Variants in ZCWPW2 observed in about 807,000 individuals in gnomAD.
ZCWPW2 encodes zinc finger CW-type PWWP domain protein 2.
In ZCWPW2, 45 loss-of-function variants were observed where a neutral mutation model predicts 46.6. That is an observed-to-expected ratio of 0.96 (90% confidence interval 0.76 to 1.24). ZCWPW2 has a LOEUF of 1.24. ZCWPW2 is among the 50% of genes most tolerant of loss of function. The probability of loss-of-function intolerance (pLI) is 0.00; values close to 1 mark genes in which losing one functional copy is unlikely to be tolerated. For missense variants in ZCWPW2, 429 were observed against 403.9 expected, an observed-to-expected ratio of 1.06 and a Z score of -0.53; for synonymous variants, 152 against 137.1, an observed-to-expected ratio of 1.11 and a Z score of -0.76.
intron 1 of ZCWPW2, among the ~76,000 whole-genome samples, chr3:28,351,135 G>A (rs1204266660): frequency 1.3e-5 from 2 of 151,144 alleles, no homozygotes; most frequent in African/African-American, 4.9e-5. Flanking sequence ...ACAAGTCACT[G>A]CTTTAAAAAT....
In ZCWPW2 at chr3:28,441,946, A is replaced by T. The variant is rs1697776015; in HGVS notation, c.492+6677A>T. On this transcript the variant is annotated intron_variant, in intron 4 of 9. Coordinates refer to ENST00000383768, the MANE Select transcript of ZCWPW2 (RefSeq NM_001040432.4). ...TTGCTCCAAAATCCTGGAGGCCTCC[A>T]CTGTGATTTACCTATTTGGGCCTGC... is the stretch of plus-strand genomic sequence containing the variant. 2.0e-5 allele frequency among the ~76,000 whole-genome samples: 3 copies of T among 152,266 alleles called. No homozygotes were observed. In the South Asian group the frequency reaches 6.2e-4, roughly 32 times the overall value.
chr3:28,503,429 A>G (rs1457245637), intron 6 of ZCWPW2, among the ~76,000 whole-genome samples: 3 of 152,136 alleles, frequency 2.0e-5, no homozygotes, highest in Non-Finnish European at 4.4e-5. Flanking sequence ...TCCACACAAA[A>G]TGAATCTGAG....
chr3:28,474,644 C>A (rs1359109301), intron 4 of ZCWPW2, among the ~76,000 whole-genome samples: 2 of 150,916 alleles, frequency 1.3e-5, no homozygotes, highest in Admixed American at 6.6e-5. Context: ...CGCGCACATG[C>A]GCATTTGTGT....
At chr3:28,473,039 A>T (rs941726402) in intron 4 of ZCWPW2, among the ~76,000 whole-genome samples, 5 of 152,198 alleles carry the variant, frequency 3.3e-5, no homozygotes, top group African/African-American at 1.2e-4. Context: ...ATATTATTTT[A>T]CCCCAGTTAA....
At chr3:28,385,875 A>T (rs915950902) in intron 1 of ZCWPW2, among the ~76,000 whole-genome samples, 3 of 151,094 alleles carry the variant, frequency 2.0e-5, no homozygotes, top group African/African-American at 7.3e-5. Context: ...CCTAAGTGAG[A>T]TTAACGTAAC....
intron 7 of ZCWPW2, among the ~76,000 whole-genome samples, chr3:28,514,580 T>G (rs1700515297): frequency 6.6e-6 from 1 of 152,202 alleles, no homozygotes; most frequent in African/African-American, 2.4e-5. Context: ...CTGTTTCACT[T>G]GGAAAATACT....
intron 5 of ZCWPW2, among the ~76,000 whole-genome samples, chr3:28,491,856 C>T (rs1241884543): frequency 6.6e-6 from 1 of 152,016 alleles, no homozygotes; most frequent in African/African-American, 2.4e-5. Context: ...ATATACTAGA[C>T]ACCAACTTGA....
intron 6 of ZCWPW2, among the ~76,000 whole-genome samples, chr3:28,513,264 C>T (rs192366158): frequency 6.6e-6 from 1 of 152,198 alleles, no homozygotes; most frequent in East Asian, 1.9e-4. Context: ...AATTTCTTGG[C>T]TCTTTTGCTT....
chr3:28,479,021 T>G, intron 5 of ZCWPW2, 90 bp downstream of exon 5: 20 of 785,080 alleles, frequency 2.5e-5, no homozygotes, highest in Non-Finnish European at 3.6e-5. Context: ...CAAAAATCTC[T>G]ATCTCTTTCT....
In ZCWPW2 at chr3:28,405,769, C is replaced by T. The variant is rs957328445; in HGVS notation, c.-13-7287C>T. On this transcript the variant is annotated intron_variant, in intron 2 of 9. Coordinates refer to ENST00000383768, the MANE Select transcript of ZCWPW2 (RefSeq NM_001040432.4). ...GATTATAGACATGAGTCACCCCACC[C>T]GGCCAACAGACTGTTAAGAATGATT... Among the ~76,000 whole-genome samples the T allele has an allele frequency of 7.2e-5, 11 of 152,040 alleles. No homozygotes were observed. In the East Asian group the frequency reaches 1.2e-3, roughly 16 times the overall value.
intron 2 of ZCWPW2, among the ~76,000 whole-genome samples, chr3:28,392,782 C>T (rs950342501): frequency 6.6e-6 from 1 of 151,046 alleles, no homozygotes; most frequent in Non-Finnish European, 1.5e-5. Context: ...GATATCATAC[C>T]AAAACTGATG....
rs397941054 is a variant in ZCWPW2 at position 28,507,491 on chromosome 3, C to CTT, written c.658-6561_658-6560dup. On this transcript the variant is annotated intron_variant, in intron 6 of 9. Coordinates refer to ENST00000383768, the MANE Select transcript of ZCWPW2 (RefSeq NM_001040432.4). Reference sequence around the variant, plus strand: ...TCAGTGATTTAGACTTATCAATATTCTTTTTTTTTTTTTGAGATGGTGTCT... The same window carrying CTT: ...TCAGTGATTTAGACTTATCAATATTCTTTTTTTTTTTTTTTGAGATGGTGTCT... Among the ~76,000 whole-genome samples, 175 of 143,652 alleles carry CTT rather than the reference C, an allele frequency of 1.2e-3. 1 individual carries two copies. The highest frequency in any genetic ancestry group is 1.5e-3 in the Non-Finnish European group (101 of 65,168). The allele number at this position is 143,652 out of a possible 152,430, so 94.2% of individuals were successfully genotyped here.
At chr3:28,379,027 C>G (rs541064822) in intron 1 of ZCWPW2, among the ~76,000 whole-genome samples, 1 of 152,162 alleles carries the variant, frequency 6.6e-6, no homozygotes, top group Non-Finnish European at 1.5e-5. Context: ...TCAGGTGTGC[C>G]TTATGTGCTT....
chr3:28,461,937 T>G lies in ZCWPW2; in HGVS notation c.493-16877T>G, dbSNP rs535538647. Among the ~76,000 whole-genome samples, 16 of 152,314 alleles carry G rather than the reference T, an allele frequency of 1.1e-4. No individual in the cohort carries two copies. The East Asian group carries it at 2.7e-3, about 26-fold the overall frequency. ...TATTCAAAGCCACATAGCTAGGACATTCTTCCCTACAATTAACCAGACACC... is the reference window on the plus strand; with the variant it reads ...TATTCAAAGCCACATAGCTAGGACAGTCTTCCCTACAATTAACCAGACACC... On this transcript the variant is annotated intron_variant, in intron 4 of 9. Transcript: ENST00000383768.
At chr3:28,482,021 C>A (rs956133076) in intron 5 of ZCWPW2, among the ~76,000 whole-genome samples, 1 of 152,116 alleles carries the variant, frequency 6.6e-6, no homozygotes, top group Non-Finnish European at 1.5e-5. Flanking sequence ...CCTTAGTTTA[C>A]ATTAGGGTTT....
chr3:28,382,594 T>A (rs1289484661), intron 1 of ZCWPW2, among the ~76,000 whole-genome samples: 1 of 152,196 alleles, frequency 6.6e-6, no homozygotes, highest in Non-Finnish European at 1.5e-5. Context: ...TACTTACTAT[T>A]GTGCCAAAGA....
At chr3:28,479,404 A>G (rs1282223730) in intron 5 of ZCWPW2, among the ~76,000 whole-genome samples, 1 of 152,214 alleles carries the variant, frequency 6.6e-6, no homozygotes, top group Non-Finnish European at 1.5e-5. Context: ...TAGGTGAAAA[A>G]TTGTGATAAT....
chr3:28,428,175 G>C lies in ZCWPW2; in HGVS notation c.333-6935G>C, dbSNP rs544970547. The C allele has an allele frequency of 2.0e-5, 3 of 152,512 alleles. No homozygotes were observed. In the South Asian group the frequency reaches 6.2e-4, roughly 32 times the overall value. The allele number at this position is 152,512 out of a possible 1,614,324, so 9.4% of individuals were successfully genotyped here. A position where few individuals can be genotyped will look rare whatever the true frequency, so the allele number is the denominator to read the frequency against. ...AACAGTCGCCAAACAATGAGATACT[G>C]TGGTGTGTGAACCTGATAATAACCA... On this transcript the variant is annotated intron_variant, in intron 3 of 9. Coordinates refer to ENST00000383768, the MANE Select transcript of ZCWPW2 (RefSeq NM_001040432.4).
At chr3:28,410,062 A>G (rs1355702966) in intron 2 of ZCWPW2, among the ~76,000 whole-genome samples, 1 of 152,166 alleles carries the variant, frequency 6.6e-6, no homozygotes, top group African/African-American at 2.4e-5. Flanking sequence ...CTATGTTAAT[A>G]GTGGACCAAG....
Sources: allele counts gnomAD v4.1 joint callset (sites outside exome capture counted in the v4.1 genomes callset), GRCh38; gene constraint gnomAD v4.1.1; transcripts MANE v1.5; gene names NCBI Gene and HGNC (gene_info 2026-07-23, HGNC 2026-07-21).